RIPOR2: variants seen among roughly 807,000 people sequenced by gnomAD.
RIPOR2 encodes rho family-interacting cell polarization regulator 2.
RIPOR2 carries 39 observed loss-of-function variants against 114.5 expected under a neutral mutation model. The ratio of observed to expected loss-of-function variants is 0.34; its 90% CI spans 0.26 to 0.44. The LOEUF is 0.44. Among genes scored for constraint, RIPOR2 ranks in the 20% least tolerant of loss-of-function variants. RIPOR2 has a pLI of 1.00. For missense variants in RIPOR2, 1,007 were observed against 1,255.1 expected (o/e 0.80, Z 2.99); for synonymous variants, 445 against 484.4 (o/e 0.92, Z 1.07).
rs139408421 is a variant in RIPOR2 at position 24,867,760 on chromosome 6, C to T, written c.501+1334G>A. 1.3e-5 allele frequency among the ~76,000 whole-genome samples: 2 copies of T among 152,270 alleles called. 1 individual carries two copies. Among genetic ancestry groups the T allele is most frequent in the East Asian group, 3.9e-4 (2 of 5,180 alleles). ...CCTAGGTAGTCACCTTAGCAGAAGG[C>T]CATTTGTAGGCAAGCATTTATCTTA... On this transcript the variant is annotated intron_variant, in intron 6 of 21. Coordinates refer to ENST00000643898, the MANE Select transcript of RIPOR2 (RefSeq NM_001286445.3).
At chr6:24,960,679 T>A (rs1158403879) in intron 1 of RIPOR2, among the ~76,000 whole-genome samples, 6 of 152,068 alleles carry the variant, frequency 3.9e-5, no homozygotes, top group Non-Finnish European at 8.8e-5. Flanking sequence ...GGCATGCACC[T>A]GTAGTGCACC....
chr6:25,021,850 C>T (rs955198086), intron 1 of RIPOR2, among the ~76,000 whole-genome samples: 2 of 152,066 alleles, frequency 1.3e-5, no homozygotes, highest in Non-Finnish European at 2.9e-5. Flanking sequence ...TGTGGAGGGT[C>T]CCAACATTTA....
chr6:24,889,984 C>T (rs1050180279), intron 1 of RIPOR2, among the ~76,000 whole-genome samples: 3 of 151,994 alleles, frequency 2.0e-5, no homozygotes, highest in Non-Finnish European at 2.9e-5. Flanking sequence ...CTCTGCCTCC[C>T]GGGTTCAAGC....
In RIPOR2 at chr6:24,872,882, A is replaced by G; in HGVS notation, c.422T>C (p.Leu141Pro). The change falls in exon 4 of 22, where the codon CTG (leucine) becomes CCG (proline). Residue 141 changes from leucine to proline, a missense_variant and splice_region_variant. Physicochemically the swap from Leu to Pro is moderately conservative, Grantham distance 98. Transcript: ENST00000643898. The stretch of plus-strand genomic sequence containing the variant: ...TCATAATGACTGCATAGTACCTACC[A>G]GGCGAGAGTTTCTTTTCATATCTTT... ...QLKDMKRNSRLGVLYDLDKQI... is the reference protein window; with the variant it reads ...QLKDMKRNSRPGVLYDLDKQI... 6.2e-7 allele frequency: 1 copy of G among 1,600,410 alleles called. No homozygotes were observed. The highest frequency in any genetic ancestry group is 8.6e-7 in the Non-Finnish European group (1 of 1,168,624).
At chr6:24,971,000 G>T (rs6900169) in intron 1 of RIPOR2, among the ~76,000 whole-genome samples, 46,863 of 152,092 alleles carry the variant, frequency 0.31, 7,859 homozygotes, top group Non-Finnish European at 0.38. Context: ...TAATCATCAT[G>T]TAAAGCACTG....
intron 7 of RIPOR2, among the ~76,000 whole-genome samples, chr6:24,863,733 G>A (rs886897119): frequency 5.9e-5 from 9 of 152,188 alleles, no homozygotes; most frequent in Non-Finnish European, 1.3e-4. Context: ...CTTTGACACT[G>A]ATAGAAATCA....
At chr6:24,912,476 T>C (rs1769725121) in intron 1 of RIPOR2, among the ~76,000 whole-genome samples, 1 of 145,282 alleles carries the variant, frequency 6.9e-6, no homozygotes, top group African/African-American at 2.6e-5. Context: ...CCTTTTTTTT[T>C]TGCCCTTTCA....
intron 1 of RIPOR2, among the ~76,000 whole-genome samples, chr6:24,882,493 T>C (rs1443384599): frequency 1.3e-5 from 2 of 152,222 alleles, no homozygotes; most frequent in Non-Finnish European, 2.9e-5. Flanking sequence ...TTGTTAGAGT[T>C]AAGAATACTG....
rs1403389015 is a variant in RIPOR2 at position 25,037,658 on chromosome 6, T to G, written c.76+4193A>C. ...GGTTTGATTATTATTATTATTTTTT[T>G]ACTACACTGCTATGGACTAGAAAAG... On this transcript the variant is annotated intron_variant, in intron 1 of 13. Coordinates refer to the RIPOR2 transcript ENST00000510784. The surrounding 1 kb of genome is among the most constrained non-coding windows in gnomAD (Gnocchi z 4.5). 2.0e-5 allele frequency among the ~76,000 whole-genome samples: 3 copies of G among 152,254 alleles called. No individual in the cohort carries two copies. The highest frequency in any genetic ancestry group is 6.5e-5 in the Admixed American group (1 of 15,292).
chr6:24,824,838 A>T (rs765966270), intron 19 of RIPOR2, among the ~76,000 whole-genome samples: 1 of 152,320 alleles, frequency 6.6e-6, no homozygotes, highest in South Asian at 2.1e-4. Context: ...AAATTCTAGG[A>T]TATTCATACA....
intron 14 of RIPOR2, among the ~76,000 whole-genome samples, chr6:24,837,406 C>A (rs1470728073): frequency 1.3e-5 from 2 of 152,044 alleles, no homozygotes; most frequent in African/African-American, 4.8e-5. Flanking sequence ...AGGAGTGAGC[C>A]ACCACTCCCG....
intron 14 of RIPOR2, among the ~76,000 whole-genome samples, chr6:24,838,021 T>C (rs1191132210): frequency 1.3e-5 from 2 of 152,200 alleles, no homozygotes; most frequent in African/African-American, 4.8e-5. Context: ...TGGAGGTGGG[T>C]ATGTTCCATT....
chr6:24,825,526 G>A (rs1405634841), intron 18 of RIPOR2, 98 bp from the exon 19 acceptor site: 1 of 822,542 alleles, frequency 1.2e-6, no homozygotes, highest in Non-Finnish European at 2.0e-6. Flanking sequence ...AGAAAGTATA[G>A]TATAGTAACT....
Position 25,009,640 on chromosome 6 carries a change from T to C in RIPOR2, c.76+32211A>G, listed in dbSNP as rs1221349959. ...GCTTGTAAATCAGCGGTTCAGTATG[T>C]ATGGTGGCCTTTCCCGCAGAAACCG... On this transcript the variant is annotated intron_variant, in intron 1 of 13. Transcript: ENST00000510784. Among the ~76,000 whole-genome samples the C allele has an allele frequency of 2.6e-5, 4 of 152,304 alleles. No homozygotes were observed. In the East Asian group the frequency reaches 7.7e-4, roughly 29 times the overall value.
At chr6:25,022,065 T>C (rs1016782457) in intron 1 of RIPOR2, among the ~76,000 whole-genome samples, 1 of 152,242 alleles carries the variant, frequency 6.6e-6, no homozygotes, top group Non-Finnish European at 1.5e-5. Flanking sequence ...TTGATGGGAT[T>C]AGATACATTT....
intron 1 of RIPOR2, among the ~76,000 whole-genome samples, chr6:24,999,148 C>G (rs1488623099): frequency 6.6e-6 from 1 of 152,154 alleles, no homozygotes; most frequent in African/African-American, 2.4e-5. Context: ...GCAGCAGTTT[C>G]ACATAACTAG....
rs563332602 is a variant in RIPOR2 at position 24,858,106 on chromosome 6, C to T, written c.715+2867G>A. ...GAGTGGCAACCTTTTCCTCCTCTCC[C>T]CTCCTGCTTTTGCAGCAAACTGGGT... On this transcript the variant is annotated intron_variant, in intron 8 of 21. Transcript: ENST00000643898. The surrounding 1 kb of genome is among the most constrained non-coding windows in gnomAD (Gnocchi z 4.0). 2.0e-5 allele frequency among the ~76,000 whole-genome samples: 3 copies of T among 152,332 alleles called. No individual in the cohort carries two copies. In the East Asian group the frequency reaches 5.8e-4, roughly 29 times the overall value.
intron 1 of RIPOR2, among the ~76,000 whole-genome samples, chr6:25,036,120 C>T (rs763799910): frequency 2.6e-5 from 4 of 152,164 alleles, no homozygotes; most frequent in Non-Finnish European, 5.9e-5. Context: ...TGCCCAGTCA[C>T]AATTAAGAAT....
chr6:24,843,304 C>G lies in RIPOR2; in HGVS notation c.1415G>C (p.Gly472Ala), dbSNP rs753328078. The change falls in exon 13 of 22, where the codon GGC becomes GCC. Residue 472 changes from glycine (G) to alanine (A), a missense_variant. Physicochemically the swap from Gly to Ala is moderately conservative, Grantham distance 60 (BLOSUM62 0). Transcript: ENST00000643898. ...SASSRNSLGEGQEPKSHLKEE... is the reference protein window; with the variant it reads ...SASSRNSLGEAQEPKSHLKEE... ...CTTCAGGTGTGACTTTGGCTCTTGG[C>G]CTTCTCCCAGGGAGTTCCTGGAAGA... 1.2e-6 allele frequency: 2 copies of G among 1,613,874 alleles called. No homozygotes were observed. The highest frequency in any genetic ancestry group is 4.5e-5 in the East Asian group (2 of 44,884).
Sources: gnomAD v4.1 joint callset for allele counts (sites outside exome capture counted in the v4.1 genomes callset) on GRCh38, gnomAD v4.1.1 for gene constraint, Gnocchi (gnomAD v3.1) non-coding constraint, MANE v1.5 for transcripts, NCBI Gene and HGNC (gene_info 2026-07-23, HGNC 2026-07-21) for gene names.